SLC9A9: variants seen among roughly 807,000 people sequenced by gnomAD.
SLC9A9 encodes sodium/hydrogen exchanger 9.
In SLC9A9, 62 loss-of-function variants were observed where a neutral mutation model predicts 77.8. The ratio of observed to expected loss-of-function variants is 0.80; its 90% CI spans 0.65 to 0.98. The LOEUF (loss-of-function observed/expected upper bound fraction) is 0.98, where lower values mean the gene tolerates loss of function less well. Among genes scored for constraint, SLC9A9 ranks in the 50% least tolerant of loss-of-function variants. The probability of loss-of-function intolerance (pLI) is 0.00; values close to 1 mark genes in which losing one functional copy is unlikely to be tolerated. For synonymous variants in SLC9A9, 320 were observed against 283.5 expected (o/e 1.13, Z -1.29); for missense variants, 775 against 774.9 (o/e 1.00, Z 0.00).
chr3:143,649,176 G>C (rs539044956), intron 6 of SLC9A9, among the ~76,000 whole-genome samples: 39 of 151,966 alleles, frequency 2.6e-4, no homozygotes, highest in African/African-American at 8.5e-4. Flanking sequence ...TTTTGTTCAG[G>C]GTTCAAAAAC....
chr3:143,572,006 G>T (rs1341192068), intron 8 of SLC9A9, among the ~76,000 whole-genome samples: 1 of 152,174 alleles, frequency 6.6e-6, no homozygotes, highest in Non-Finnish European at 1.5e-5. Flanking sequence ...GTACTACTCG[G>T]GGGTGAGTCT....
At chr3:143,498,180 G>A (rs921809056) in intron 9 of SLC9A9, among the ~76,000 whole-genome samples, 9 of 152,116 alleles carry the variant, frequency 5.9e-5, no homozygotes, top group African/African-American at 2.2e-4. Flanking sequence ...TTGCATTAAG[G>A]TCCGTTTTTG....
intron 12 of SLC9A9, among the ~76,000 whole-genome samples, chr3:143,384,855 G>C (rs1015716445): frequency 9.2e-5 from 14 of 152,216 alleles, no homozygotes; most frequent in Non-Finnish European, 1.8e-4. Context: ...ATACGATTCG[G>C]GAGGTTCAAT....
intron 12 of SLC9A9, among the ~76,000 whole-genome samples, chr3:143,432,791 C>G (rs2034545983): frequency 6.6e-6 from 1 of 152,182 alleles, no homozygotes; most frequent in African/African-American, 2.4e-5. Context: ...CCACACCCGG[C>G]TAATTTTTGT....
chr3:143,758,755 C>T lies in SLC9A9; in HGVS notation c.533+36246G>A, dbSNP rs184601478. 7.9e-5 allele frequency among the ~76,000 whole-genome samples: 12 copies of T among 152,018 alleles called. No homozygotes were observed. In the East Asian group the frequency reaches 1.4e-3, roughly 17 times the overall value. On this transcript the variant is annotated intron_variant, in intron 4 of 15. Transcript: ENST00000316549. ...CCAAGACTAGCAGGGCTGAGGGGAA[C>T]GTGAGGGAGAAAGAGTCCTCTGAAC...
intron 12 of SLC9A9, among the ~76,000 whole-genome samples, chr3:143,411,373 C>T (rs2034093755): frequency 6.6e-6 from 1 of 152,110 alleles, no homozygotes; most frequent in Non-Finnish European, 1.5e-5. Flanking sequence ...TTTGGCTTAC[C>T]ACTTTCCTTC....
At chr3:143,687,935 T>C (rs143018325) in intron 5 of SLC9A9, among the ~76,000 whole-genome samples, 226 of 152,166 alleles carry the variant, frequency 1.5e-3, no homozygotes, top group African/African-American at 4.9e-3. Context: ...AGGTGTTTGA[T>C]ACGATGCAGA....
intron 11 of SLC9A9, among the ~76,000 whole-genome samples, chr3:143,491,840 T>C (rs539986509): frequency 3.9e-5 from 6 of 152,360 alleles, no homozygotes; most frequent in African/African-American, 1.4e-4. Context: ...GATGTTTTGA[T>C]GGGAAAGAAG....
intron 14 of SLC9A9, among the ~76,000 whole-genome samples, chr3:143,316,254 G>A (rs190484790): frequency 2.0e-5 from 3 of 152,300 alleles, no homozygotes; most frequent in African/African-American, 7.2e-5. Flanking sequence ...TTTTTGTCAT[G>A]AATCCATCCA....
chr3:143,748,998 C>T (rs1257142511), intron 4 of SLC9A9, among the ~76,000 whole-genome samples: 7 of 152,280 alleles, frequency 4.6e-5, no homozygotes, highest in Non-Finnish European at 7.4e-5. Flanking sequence ...CCACCGCGCC[C>T]GGCCTGACCA....
intron 4 of SLC9A9, among the ~76,000 whole-genome samples, chr3:143,789,117 G>A (rs928208748): frequency 5.9e-5 from 9 of 152,126 alleles, no homozygotes; most frequent in Admixed American, 3.3e-4. Context: ...GATACAAGAC[G>A]GCCACCAAGT....
chr3:143,357,470 G>C (rs948126587), intron 14 of SLC9A9, among the ~76,000 whole-genome samples: 6 of 152,062 alleles, frequency 3.9e-5, no homozygotes, highest in African/African-American at 1.4e-4. Flanking sequence ...GCTTGCTACT[G>C]AAAGTAAAAC....
rs7433950 is a variant in SLC9A9, at chr3:143,725,901, G to A, written c.534-32594C>T. The stretch of plus-strand genomic sequence containing the variant: ...TAAAGTATAATAATAATAAAAAAAA[G>A]AAAAAAATGATCCTTTGTGGAGTAG... On this transcript the variant is annotated intron_variant, in intron 4 of 15. Coordinates refer to ENST00000316549, the MANE Select transcript of SLC9A9 (RefSeq NM_173653.4). Among the ~76,000 whole-genome samples, 9 of 151,332 alleles carry A rather than the reference G, an allele frequency of 5.9e-5. No individual in the cohort carries two copies. In the South Asian group the frequency reaches 1.0e-3, roughly 18 times the overall value.
Position 143,500,215 on chromosome 3 carries a change from T to A in SLC9A9, c.1090-4767A>T, listed in dbSNP as rs532762167. Among the ~76,000 whole-genome samples, 3 of 152,318 alleles carry A rather than the reference T, an allele frequency of 2.0e-5. No individual in the cohort carries two copies. The South Asian group carries it at 6.2e-4, about 32-fold the overall frequency. On this transcript the variant is annotated intron_variant, in intron 9 of 15. Transcript: ENST00000316549. ...CTTTTGGATCAGTTTTAGAAAGTTATGTTTTTCAAAGAATTTGTCATTCCA... is the reference window on the plus strand; with the variant it reads ...CTTTTGGATCAGTTTTAGAAAGTTAAGTTTTTCAAAGAATTTGTCATTCCA...
At chr3:143,594,800 G>A (rs2037726070) in intron 6 of SLC9A9, among the ~76,000 whole-genome samples, 1 of 152,044 alleles carries the variant, frequency 6.6e-6, no homozygotes, top group South Asian at 2.1e-4. Context: ...TGAGAAAGAA[G>A]AGCCTTTGAA....
chr3:143,279,876 C>T (rs376368428), intron 14 of SLC9A9, among the ~76,000 whole-genome samples: 6 of 152,266 alleles, frequency 3.9e-5, no homozygotes, highest in African/African-American at 1.4e-4. Flanking sequence ...GGCTGGAGTC[C>T]AGTGACAATC....
intron 6 of SLC9A9, among the ~76,000 whole-genome samples, chr3:143,615,373 C>G (rs1371897014): frequency 6.6e-6 from 1 of 151,806 alleles, no homozygotes; most frequent in Non-Finnish European, 1.5e-5. Flanking sequence ...GGTATAAGAA[C>G]AGAAATCTTC....
At chr3:143,845,073 C>T (rs6787778) in intron 1 of SLC9A9, among the ~76,000 whole-genome samples, 2 of 152,016 alleles carry the variant, frequency 1.3e-5, no homozygotes, top group Non-Finnish European at 2.9e-5. Flanking sequence ...CTAGATCCCA[C>T]AGACACATCC....
rs201924284 is a variant in SLC9A9, at chr3:143,294,260, ATTG to A, written c.1605-25283_1605-25281del. On this transcript the variant is annotated intron_variant, in intron 14 of 15. Transcript: ENST00000316549. ...CCCAAATCGCCTACTCTTTCTTGCA[ATTG>A]TTGTTTACAGCACGAAAGCACACAC... 3.9e-3 allele frequency among the ~76,000 whole-genome samples: 597 copies of A among 152,322 alleles called. 1 individual carries two copies. The highest frequency in any genetic ancestry group is 0.013 in the African/African-American group (559 of 41,562).
Sources: gnomAD v4.1 joint callset for allele counts (sites outside exome capture counted in the v4.1 genomes callset) on GRCh38, gnomAD v4.1.1 for gene constraint, MANE v1.5 for transcripts, NCBI Gene and HGNC (gene_info 2026-07-23, HGNC 2026-07-21) for gene names.